TMEM229B: variants seen among roughly 807,000 people sequenced by gnomAD.
TMEM229B encodes chromosome 14 open reading frame 83.
TMEM229B carries 6 observed loss-of-function variants against 13.7 expected under a neutral mutation model. That is an observed-to-expected ratio of 0.44 (90% CI 0.24 to 0.86). The LOEUF is 0.86. TMEM229B is among the 40% of genes least tolerant of loss of function. The pLI, the probability that TMEM229B is intolerant of heterozygous loss-of-function variation, is 0.23. For missense variants in TMEM229B, 170 were observed against 236.0 expected (o/e 0.72, Z 1.83); for synonymous variants, 107 against 102.1 (o/e 1.05, Z -0.29).
chr14:67,485,164 G>A (rs771580797), intron 2 of TMEM229B, among the ~76,000 whole-genome samples: 6 of 152,242 alleles, frequency 3.9e-5, no homozygotes, highest in East Asian at 1.9e-4. Flanking sequence ...TGAACCAAAC[G>A]GTACAACAGC....
chr14:67,498,037 C>T (rs1328755748), intron 1 of TMEM229B, among the ~76,000 whole-genome samples: 1 of 152,176 alleles, frequency 6.6e-6, no homozygotes, highest in Non-Finnish European at 1.5e-5. Context: ...TTGAAGTTCT[C>T]TGAAGTTCTT....
At chr14:67,523,038 G>T (rs536411103) in intron 1 of TMEM229B, among the ~76,000 whole-genome samples, 13 of 152,288 alleles carry the variant, frequency 8.5e-5, no homozygotes, top group African/African-American at 2.4e-4. Context: ...TTCATGAGGA[G>T]CCCAGGCTGG....
chr14:67,522,858 C>G (rs1371763298), intron 1 of TMEM229B, among the ~76,000 whole-genome samples: 1 of 152,246 alleles, frequency 6.6e-6, no homozygotes, highest in Non-Finnish European at 1.5e-5. Context: ...TGCTAGAACC[C>G]TGCCACCTTC....
chr14:67,502,386 C>A (rs2032644616), intron 1 of TMEM229B, among the ~76,000 whole-genome samples: 1 of 148,962 alleles, frequency 6.7e-6, no homozygotes, highest in African/African-American at 2.5e-5. Flanking sequence ...AGGACCCAAA[C>A]TTTTGTTATA....
chr14:67,527,330 G>A (rs1439693101), intron 1 of TMEM229B, among the ~76,000 whole-genome samples: 1 of 152,164 alleles, frequency 6.6e-6, no homozygotes, highest in East Asian at 1.9e-4. Flanking sequence ...CCAGAGAATT[G>A]TGAGAATTAA....
At chr14:67,490,902 G>A (rs902252992), upstream of TMEM229B, among the ~76,000 whole-genome samples, 32 of 152,228 alleles carry the variant, frequency 2.1e-4, no homozygotes, top group Admixed American at 1.6e-3. Flanking sequence ...CGTGGAGGGG[G>A]GCAGATATGC....
upstream of TMEM229B, among the ~76,000 whole-genome samples, chr14:67,490,775 T>TA (rs1187321721): frequency 6.6e-6 from 1 of 152,140 alleles, no homozygotes; most frequent in Non-Finnish European, 1.5e-5. Flanking sequence ...TCTGTTTTTT[T>TA]ACCCCCACTC....
chr14:67,506,716 T>C (rs2032840093), intron 1 of TMEM229B, among the ~76,000 whole-genome samples: 1 of 152,226 alleles, frequency 6.6e-6, no homozygotes, highest in African/African-American at 2.4e-5. Flanking sequence ...CCAGGAGTGG[T>C]GGCTCATGCC....
chr14:67,487,475 C>T (rs902317148), intron 1 of TMEM229B, among the ~76,000 whole-genome samples: 3 of 152,202 alleles, frequency 2.0e-5, no homozygotes, highest in African/African-American at 7.2e-5. Flanking sequence ...TAGAATCCAG[C>T]TCCATTCTCA....
intron 2 of TMEM229B, among the ~76,000 whole-genome samples, chr14:67,478,911 G>GA (rs2031399310): frequency 6.6e-6 from 1 of 152,058 alleles, no homozygotes; most frequent in African/African-American, 2.4e-5. Flanking sequence ...AGTGGTAAGA[G>GA]AAAAAAGCAG....
At chr14:67,517,509 T>C (rs1294183975), upstream of TMEM229B, among the ~76,000 whole-genome samples, 1 of 152,196 alleles carries the variant, frequency 6.6e-6, no homozygotes, top group Non-Finnish European at 1.5e-5. Context: ...ATAATATTAA[T>C]ATTTTCATCC....
At chr14:67,474,448 T>A (rs148048830) in intron 2 of TMEM229B, among the ~76,000 whole-genome samples, 16 of 152,332 alleles carry the variant, frequency 1.1e-4, no homozygotes, top group Admixed American at 2.6e-4. Context: ...GACTACTTGC[T>A]GATTTCTCAG....
chr14:67,496,765 CCCTT>C (rs1016433929), intron 1 of TMEM229B, among the ~76,000 whole-genome samples: 1 of 123,164 alleles, frequency 8.1e-6, no homozygotes, highest in Non-Finnish European at 1.8e-5. Flanking sequence ...CTCCCTCCCT[CCCTT>C]CCTCCCTCCC....
rs71129826 is a variant in TMEM229B, at chr14:67,501,044, T to TTAATAATAA, written c.-191-13881_-191-13873dup. On this transcript the variant is annotated intron_variant, in intron 1 of 2. Transcript: ENST00000357461. ...AAATGCCTCCAGGTATACTTGGGGG[T>TTAATAATAA]TAATAATAATAATAATAATAATAAT... is the stretch of plus-strand genomic sequence containing the variant. 8.3e-3 allele frequency among the ~76,000 whole-genome samples: 1,138 copies of TTAATAATAA among 137,354 alleles called. 9 individuals carry two copies. Among genetic ancestry groups the TTAATAATAA allele is most frequent in the Middle Eastern group, 0.015 (4 of 266 alleles). The allele number at this position is 137,354 out of a possible 152,430, so 90.1% of individuals were successfully genotyped here.
At chr14:67,526,588 ATAGTT>A (rs1320604210) in intron 1 of TMEM229B, among the ~76,000 whole-genome samples, 3 of 152,216 alleles carry the variant, frequency 2.0e-5, no homozygotes, top group Admixed American at 6.5e-5. Flanking sequence ...AAAAATATGC[ATAGTT>A]TAAAGTCTCC....
chr14:67,532,500 A>G (rs1169252290), intron 1 of TMEM229B, among the ~76,000 whole-genome samples: 1 of 152,068 alleles, frequency 6.6e-6, no homozygotes, highest in Non-Finnish European at 1.5e-5. Flanking sequence ...GAGATCTGCA[A>G]ATGTCTGAGA....
rs1594671342 is a variant in TMEM229B at position 67,473,048 on chromosome 14, T to G, written c.*372A>C. On this transcript the variant is annotated 3_prime_UTR_variant, in exon 3 of 3. Coordinates refer to ENST00000554480, the MANE Select transcript of TMEM229B (RefSeq NM_001348543.2). This position sits in a 1 kb window ranked among gnomAD's most constrained non-coding sequence, Gnocchi z 6.5. ...TAAATCCAGATCGGAGGGAGGGAGG[T>G]CAGGCCTTGCCTCCCACCTGCGGCC... 4.4e-6 allele frequency: 1 copy of G among 229,100 alleles called. No individual in the cohort carries two copies. Among genetic ancestry groups the G allele is most frequent in the Non-Finnish European group, 8.6e-6 (1 of 115,956 alleles). 14.2% of individuals were successfully genotyped at this position (229,100 alleles called of 1,614,324 possible).
At chr14:67,519,619 A>G (rs1292862009), upstream of TMEM229B, among the ~76,000 whole-genome samples, 1 of 152,178 alleles carries the variant, frequency 6.6e-6, no homozygotes, top group East Asian at 1.9e-4. Context: ...AAGAAGGGAA[A>G]GGCTGCCAAG....
chr14:67,471,567 A>G lies in TMEM229B; in HGVS notation c.*1853T>C, dbSNP rs2030724334. 1.3e-5 allele frequency: 2 copies of G among 152,218 alleles called. No homozygotes were observed. The highest frequency in any genetic ancestry group is 2.9e-5 in the Non-Finnish European group (2 of 68,064). The allele number at this position is 152,218 out of a possible 1,614,324, so 9.4% of individuals were successfully genotyped here. ...GCCCTGGAATTGGGGCCACAATAAAATCAAAAGGAGGGCTGGCCACTGCAG... is the reference window on the plus strand; with the variant it reads ...GCCCTGGAATTGGGGCCACAATAAAGTCAAAAGGAGGGCTGGCCACTGCAG... On this transcript the variant is annotated 3_prime_UTR_variant, in exon 3 of 3. Transcript: ENST00000554480.
Sources: allele counts gnomAD v4.1 joint callset (sites outside exome capture counted in the v4.1 genomes callset), GRCh38; gene constraint gnomAD v4.1.1; non-coding constraint Gnocchi (gnomAD v3.1); transcripts MANE v1.5; gene names NCBI Gene and HGNC (gene_info 2026-07-23, HGNC 2026-07-21).